The following ITGA7 variants were observed in gnomAD, a reference collection of about 807,000 sequenced individuals.
ITGA7 encodes integrin subunit alpha 7.
Under a neutral mutation model 131.6 loss-of-function variants are expected in ITGA7, and 84 were observed. That is an observed-to-expected ratio of 0.64 (90% confidence interval 0.54 to 0.77). The LOEUF (loss-of-function observed/expected upper bound fraction) is 0.77, where lower values mean the gene tolerates loss of function less well. Ranked by LOEUF, ITGA7 falls within the 30% of genes least tolerant of loss-of-function variation. The pLI is 0.00. For missense variants in ITGA7, 1,399 were observed against 1,482.9 expected (o/e 0.94, Z 0.93); for synonymous variants, 548 against 600.7 (o/e 0.91, Z 1.28).
At chr12:55,700,408 C>T in intron 4 of ITGA7, 1 of 1,597,652 alleles carries the variant, frequency 6.3e-7, no homozygotes, top group Non-Finnish European at 8.5e-7. Context: ...AAGGACAGAC[C>T]TGTTAGTGCC....
rs180855000 is a variant in ITGA7 at position 55,687,909 on chromosome 12, T to C, written c.3183+62A>G. 102 of 1,611,360 alleles carry C rather than the reference T, an allele frequency of 6.3e-5. No homozygotes were observed. In the African/African-American group the frequency reaches 1.3e-3, roughly 20 times the overall value. On this transcript the variant is annotated intron_variant, in intron 24 of 24. Transcript: ENST00000257879. ...GTGTGGGTGGGTGACAGAACCACAA[T>C]ACAAAATGCTGCTCACCCAACCAGG...
upstream of ITGA7, chr12:55,708,103 G>C: frequency 2.2e-6 from 2 of 920,802 alleles, no homozygotes; most frequent in Non-Finnish European, 2.6e-6. Context: ...GCCCCTGCGC[G>C]GCGCTCTCCT....
chr12:55,701,043 A>T lies in ITGA7; in HGVS notation c.526T>A (p.Leu176Met). ...LSQDLAIRDE[L>M]DGGEWKFCEG... Reference sequence around the variant, plus strand: ...CAGAACTTCCATTCCCCACCATCCAACTCATCCCGGATGGCCAGGTCCTGG... The same window carrying T: ...CAGAACTTCCATTCCCCACCATCCATCTCATCCCGGATGGCCAGGTCCTGG... The change falls in exon 4 of 25, where the codon TTG becomes ATG. Residue 176 changes from leucine to methionine, a missense_variant. Leu to Met is a conservative substitution (Grantham distance 15). Transcript: ENST00000257879. 1 of 1,613,910 alleles carries T rather than the reference A, an allele frequency of 6.2e-7. No individual in the cohort carries two copies. The highest frequency in any genetic ancestry group is 8.5e-7 in the Non-Finnish European group (1 of 1,179,956).
At chr12:55,704,405 G>A (rs900962007) in intron 1 of ITGA7, among the ~76,000 whole-genome samples, 6 of 152,236 alleles carry the variant, frequency 3.9e-5, no homozygotes, top group Non-Finnish European at 7.3e-5. Context: ...GGTATAGGGA[G>A]TAGTAGAGAA....
intron 19 of ITGA7, among the ~76,000 whole-genome samples, chr12:55,693,819 C>A (rs1872015767): frequency 6.6e-6 from 1 of 152,078 alleles, no homozygotes; most frequent in Non-Finnish European, 1.5e-5. Flanking sequence ...GGTGAGACAG[C>A]CAGACAGAAT....
At position 55,707,855 on chromosome 12, in the gene ITGA7, G is replaced by A; in HGVS notation, c.-173C>T. The A allele has an allele frequency of 9.1e-7, 1 of 1,104,224 alleles. No homozygotes were observed. The highest frequency in any genetic ancestry group is 1.2e-6 in the Non-Finnish European group (1 of 841,102). The allele number at this position is 1,104,224 out of a possible 1,614,324, so 68.4% of individuals were successfully genotyped here. A position where few individuals can be genotyped will look rare whatever the true frequency, so the allele number is the denominator to read the frequency against. Reference sequence around the variant, plus strand: ...CCGCCCGCCGCTCCGCCACCCCGCCGCCCCAGCACCGGCTAGGACAACTAC... The same window carrying A: ...CCGCCCGCCGCTCCGCCACCCCGCCACCCCAGCACCGGCTAGGACAACTAC... On this transcript the variant is annotated 5_prime_UTR_variant, in exon 1 of 25. Transcript: ENST00000257879.
Position 55,692,989 on chromosome 12 carries a change from G to T in ITGA7, c.2713-14C>A. ...ACTGTCCACATCCTGGACACGGAAG[G>T]GGGGTCTTAGTGAGTGTCCCTCCAA... On this transcript the variant is annotated splice_polypyrimidine_tract_variant and intron_variant, in intron 20 of 24. Coordinates refer to ENST00000257879, the MANE Select transcript of ITGA7 (RefSeq NM_002206.3). 2 of 1,613,900 alleles carry T rather than the reference G, an allele frequency of 1.2e-6. No individual in the cohort carries two copies. The highest frequency in any genetic ancestry group is 1.7e-6 in the Non-Finnish European group (2 of 1,180,018).
Position 55,694,027 on chromosome 12 carries a change from C to T in ITGA7, c.2529G>A (p.Glu843=), listed in dbSNP as rs1327379157. Residue 843 remains glutamate (E), a synonymous_variant, in exon 19 of 25, where the codon GAG becomes GAA. Transcript: ENST00000257879. This position sits in a 1 kb window ranked among gnomAD's most constrained non-coding sequence, Gnocchi z 5.3. ...ERDVGSKVKY[E]VTVSNQGQSL... ...CCTCATCCCTGACACTTACCGTGAC[C>T]TCATACTTGACCTTGCTGCCCACAT... The T allele has an allele frequency of 1.9e-6, 3 of 1,613,258 alleles. No individual in the cohort carries two copies. The highest frequency in any genetic ancestry group is 2.2e-5 in the South Asian group (2 of 90,944).
At position 55,692,862 on chromosome 12, in the gene ITGA7, C is replaced by A; in HGVS notation, c.2826G>T (p.Lys942Asn). The A allele has an allele frequency of 1.9e-6, 3 of 1,613,154 alleles. No individual in the cohort carries two copies. Among genetic ancestry groups the A allele is most frequent in the Non-Finnish European group, 2.5e-6 (3 of 1,179,624 alleles). ...MSWWPVSSAEKKKNITLDCAR... is the reference protein window; with the variant it reads ...MSWWPVSSAENKKNITLDCAR... Reference sequence around the variant, plus strand: ...CCCTCACCAGGGTGATGTTTTTCTTCTTCTCAGCAGAGGACACTGGCCACC... The same window carrying A: ...CCCTCACCAGGGTGATGTTTTTCTTATTCTCAGCAGAGGACACTGGCCACC... Residue 942 changes from lysine to asparagine, a missense_variant, in exon 21 of 25, where the codon AAG (lysine) becomes AAT (asparagine). By Grantham distance (94) the Lys-to-Asn change is moderately conservative. Coordinates refer to ENST00000257879, the MANE Select transcript of ITGA7 (RefSeq NM_002206.3).
rs11171660 is a variant in ITGA7 at position 55,700,033 on chromosome 12, T to G, written c.671-44A>C. On this transcript the variant is annotated intron_variant, in intron 4 of 24. Transcript: ENST00000257879. ...GACACCAGGGAGGGGACATCCAGAG[T>G]AGGGGCCACAGAGTAGGGAGACAGA... 976,944 of 1,607,668 alleles carry G rather than the reference T, an allele frequency of 0.61. 307,344 individuals are homozygous for G. Among genetic ancestry groups the G allele is most frequent in the East Asian group, 0.94 (42,254 of 44,820 alleles).
rs1874441177 is a variant in ITGA7 at position 55,703,181 on chromosome 12, G to A, written c.207-3C>T. ...CCTGGGGAGCACCCACCAGCAGCCT[G>A]CAAGATGGGGCAGGGGCAGGGACAG... On this transcript the variant is annotated splice_region_variant and splice_polypyrimidine_tract_variant and intron_variant, in intron 1 of 24. Coordinates refer to ENST00000257879, the MANE Select transcript of ITGA7 (RefSeq NM_002206.3). 4 of 1,608,494 alleles carry A rather than the reference G, an allele frequency of 2.5e-6. No individual in the cohort carries two copies. In the East Asian group the frequency reaches 6.7e-5, roughly 27 times the overall value.
rs57311080 is a variant in ITGA7, at chr12:55,703,417, T to TAC, written c.207-241_207-240dup. Among the ~76,000 whole-genome samples the TAC allele has an allele frequency of 0.061, 9,055 of 148,094 alleles. 311 individuals carry two copies. The highest frequency in any genetic ancestry group is 0.088 in the African/African-American group (3,561 of 40,430). ...ATAAGGGATCAACATACACAGTAGATACACACACACACACACACACACACA... is the reference window on the plus strand; with the variant it reads ...ATAAGGGATCAACATACACAGTAGATACACACACACACACACACACACACACA... On this transcript the variant is annotated intron_variant, in intron 1 of 24. Coordinates refer to ENST00000257879, the MANE Select transcript of ITGA7 (RefSeq NM_002206.3).
In ITGA7 at chr12:55,688,101, G is replaced by A. The variant is rs1555158331; in HGVS notation, c.3058-5C>T. The stretch of plus-strand genomic sequence containing the variant: ...CAAGTATACCATCACTGGGATCTGG[G>A]GAGCAAGGGGTCAATGGAGCAAGAG... On this transcript the variant is annotated splice_polypyrimidine_tract_variant and splice_region_variant and intron_variant, in intron 23 of 24. Transcript: ENST00000257879. 2 of 1,614,172 alleles carry A rather than the reference G, an allele frequency of 1.2e-6. No individual in the cohort carries two copies. Among genetic ancestry groups the A allele is most frequent in the Non-Finnish European group, 1.7e-6 (2 of 1,180,036 alleles).
At chr12:55,699,771 GGGA>G in intron 5 of ITGA7, 96 bp downstream of exon 5, 4 of 1,407,852 alleles carry the variant, frequency 2.8e-6, no homozygotes, top group South Asian at 1.2e-5. Context: ...TGTGTGTTGG[GGGA>G]GGAGGAGATT....
upstream of ITGA7, chr12:55,712,390 C>A (rs1454957291): frequency 4.2e-6 from 3 of 720,474 alleles, no homozygotes; most frequent in South Asian, 3.1e-5. Flanking sequence ...GTATGTGAAG[C>A]CTTGTCTACT....
chr12:55,698,984 TCCC>T, intron 5 of ITGA7, 67 bp from the exon 6 acceptor site: 1 of 1,424,806 alleles, frequency 7.0e-7, no homozygotes, highest in South Asian at 1.2e-5. Flanking sequence ...GTGTCACAGC[TCCC>T]CCAGCCCCTG....
intron 22 of ITGA7, 39 bp downstream of exon 22, chr12:55,688,805 G>A (rs1870820412): frequency 6.8e-7 from 1 of 1,471,444 alleles, no homozygotes; most frequent in South Asian, 1.1e-5. Context: ...GGCTTTGGAG[G>A]AAGAAGAAAC....
intron 4 of ITGA7, chr12:55,700,382 C>A (rs746480702): frequency 3.7e-6 from 6 of 1,607,474 alleles, no homozygotes; most frequent in Non-Finnish European, 5.1e-6. Flanking sequence ...CAGAGCTCCA[C>A]CCTGGCCGTG....
chr12:55,700,845 C>G, intron 4 of ITGA7, 54 bp downstream of exon 4: 1 of 1,612,286 alleles, frequency 6.2e-7, no homozygotes, highest in Non-Finnish European at 8.5e-7. Flanking sequence ...AACCCTGTCT[C>G]TGAGGTAAGA....
Sources: gnomAD v4.1 joint callset for allele counts (sites outside exome capture counted in the v4.1 genomes callset) on GRCh38, gnomAD v4.1.1 for gene constraint, Gnocchi (gnomAD v3.1) non-coding constraint, MANE v1.5 for transcripts, NCBI Gene and HGNC (gene_info 2026-07-23, HGNC 2026-07-21) for gene names.